Variants in DCC observed in about 807,000 individuals in gnomAD.
DCC encodes DCC netrin 1 receptor.
Under a neutral mutation model 172.5 loss-of-function variants are expected in DCC, and 58 were observed. The observed-to-expected ratio is 0.34, with a 90% CI of 0.27 to 0.42. The LOEUF (loss-of-function observed/expected upper bound fraction) is 0.42. DCC is among the 10% of genes least tolerant of loss of function. DCC has a pLI of 1.00. For missense variants in DCC, 1,740 were observed against 1,791.0 expected, an observed-to-expected ratio of 0.97 and a Z score of 0.51; for synonymous variants, 709 against 644.5, an observed-to-expected ratio of 1.10 and a Z score of -1.52.
At chr18:52,854,571 C>T (rs1372299572) in intron 2 of DCC, among the ~76,000 whole-genome samples, 1 of 152,098 alleles carries the variant, frequency 6.6e-6, no homozygotes, top group Non-Finnish European at 1.5e-5. Flanking sequence ...AATAATTAAC[C>T]AGGCATCCTT....
At chr18:52,962,566 A>T (rs555696489) in intron 5 of DCC, among the ~76,000 whole-genome samples, 2 of 152,088 alleles carry the variant, frequency 1.3e-5, no homozygotes, top group South Asian at 4.2e-4. Flanking sequence ...AGGGATCTAG[A>T]ACTAGAAATA....
Position 52,719,869 on chromosome 18 carries a change from G to C in DCC, c.92-32185G>C, listed in dbSNP as rs554529049. 2.0e-5 allele frequency among the ~76,000 whole-genome samples: 3 copies of C among 152,294 alleles called. No homozygotes were observed. The East Asian group carries it at 5.8e-4, about 30-fold the overall frequency. ...GCTGTGGCTAGGATACAGTGAGCAA[G>C]GCCCGGCAGGGCATGGGATAAGGAG... On this transcript the variant is annotated intron_variant, in intron 1 of 28. Transcript: ENST00000442544.
chr18:52,946,603 C>T (rs1394562141), intron 5 of DCC, among the ~76,000 whole-genome samples: 3 of 152,162 alleles, frequency 2.0e-5, no homozygotes, highest in East Asian at 1.9e-4. Context: ...CTACAGCTAC[C>T]TGAGGCATTT....
chr18:52,565,450 CCCA>C (rs1354333933), intron 1 of DCC, among the ~76,000 whole-genome samples: 1 of 152,160 alleles, frequency 6.6e-6, no homozygotes, highest in African/African-American at 2.4e-5. Flanking sequence ...AATTTACACT[CCCA>C]CCAACAGTGT....
intron 5 of DCC, among the ~76,000 whole-genome samples, chr18:53,034,616 C>T (rs906873040): frequency 6.6e-6 from 1 of 152,024 alleles, no homozygotes; most frequent in Non-Finnish European, 1.5e-5. Flanking sequence ...ATTTTTATCC[C>T]TGTTCTTCTA....
intron 1 of DCC, among the ~76,000 whole-genome samples, chr18:52,559,986 A>G (rs939644549): frequency 7.9e-5 from 12 of 152,212 alleles, no homozygotes; most frequent in African/African-American, 2.9e-4. Context: ...TGACTTAAAG[A>G]TTTTTTACAT....
intron 1 of DCC, among the ~76,000 whole-genome samples, chr18:52,545,495 C>G (rs943461577): frequency 6.6e-6 from 1 of 152,172 alleles, no homozygotes; most frequent in Non-Finnish European, 1.5e-5. Context: ...CTTCCCAGAA[C>G]TTTTGTTATG....
intron 12 of DCC, among the ~76,000 whole-genome samples, chr18:53,229,940 G>T (rs888440003): frequency 1.3e-5 from 2 of 151,970 alleles, no homozygotes; most frequent in African/African-American, 4.8e-5. Flanking sequence ...CCAATTCCTT[G>T]GAAAAATAAC....
chr18:52,666,792 A>G (rs1043479719), intron 1 of DCC, among the ~76,000 whole-genome samples: 5 of 152,206 alleles, frequency 3.3e-5, no homozygotes, highest in African/African-American at 9.6e-5. Flanking sequence ...AAGAGGATCT[A>G]TTCTACAGAA....
chr18:52,847,516 T>C (rs2038913144), intron 2 of DCC, among the ~76,000 whole-genome samples: 1 of 152,146 alleles, frequency 6.6e-6, no homozygotes, highest in African/African-American at 2.4e-5. Flanking sequence ...AGTTACTCAG[T>C]TGGAAATCAT....
intron 1 of DCC, among the ~76,000 whole-genome samples, chr18:52,580,997 A>T (rs1161789242): frequency 1.3e-5 from 2 of 152,204 alleles, no homozygotes; most frequent in Non-Finnish European, 2.9e-5. Flanking sequence ...GCTGTTATCA[A>T]TTCAACCACT....
intron 7 of DCC, among the ~76,000 whole-genome samples, chr18:53,133,021 T>C (rs2043681593): frequency 6.6e-6 from 1 of 152,218 alleles, no homozygotes; most frequent in Admixed American, 6.5e-5. Context: ...GTAAGAATCT[T>C]GTTAGAGTTT....
chr18:52,776,451 TA>T (rs935265650), intron 2 of DCC, among the ~76,000 whole-genome samples: 1 of 152,110 alleles, frequency 6.6e-6, no homozygotes, highest in Non-Finnish European at 1.5e-5. Context: ...GTTCTATTTT[TA>T]AAAAAGCTGG....
chr18:52,564,123 A>C (rs1373459670), intron 1 of DCC, among the ~76,000 whole-genome samples: 3 of 152,142 alleles, frequency 2.0e-5, no homozygotes, highest in African/African-American at 7.2e-5. Flanking sequence ...TACTAATAGT[A>C]TAGATTCTGT....
intron 1 of DCC, among the ~76,000 whole-genome samples, chr18:52,485,634 GACCTGTTGT>G (rs1183950997): frequency 6.6e-6 from 1 of 152,028 alleles, no homozygotes; most frequent in Non-Finnish European, 1.5e-5. Flanking sequence ...AGTACCAGGA[GACCTGTTGT>G]ACACGTATTA....
At chr18:53,188,193 A>C (rs1246816353) in intron 9 of DCC, among the ~76,000 whole-genome samples, 1 of 152,224 alleles carries the variant, frequency 6.6e-6, no homozygotes, top group East Asian at 1.9e-4. Context: ...GCAACCAATA[A>C]ACCTGGGGAC....
At chr18:52,378,222 T>A (rs1169731387) in intron 1 of DCC, among the ~76,000 whole-genome samples, 1 of 152,030 alleles carries the variant, frequency 6.6e-6, no homozygotes, top group Non-Finnish European at 1.5e-5. Context: ...ATTTTCATAA[T>A]TATCCCAATG....
At chr18:52,707,652 C>T (rs1014873995) in intron 1 of DCC, among the ~76,000 whole-genome samples, 6 of 152,118 alleles carry the variant, frequency 3.9e-5, no homozygotes, top group African/African-American at 1.2e-4. Context: ...AAAAATGTAT[C>T]TATACACAAT....
chr18:52,690,000 T>A (rs1460195), intron 1 of DCC, among the ~76,000 whole-genome samples: 1 of 152,096 alleles, frequency 6.6e-6, no homozygotes, highest in Non-Finnish European at 1.5e-5. Flanking sequence ...TAAAGATAAA[T>A]GTGACATATT....
Sources: gnomAD v4.1 joint callset for allele counts (sites outside exome capture counted in the v4.1 genomes callset) on GRCh38, gnomAD v4.1.1 for gene constraint, MANE v1.5 for transcripts, NCBI Gene and HGNC (gene_info 2026-07-23, HGNC 2026-07-21) for gene names.